THSD7A: variants seen among roughly 807,000 people sequenced by gnomAD.
THSD7A encodes thrombospondin type 1 domain containing 7A.
In THSD7A, 96 loss-of-function variants were observed where a neutral mutation model predicts 231.3. The observed-to-expected ratio is 0.41, with a 90% CI of 0.35 to 0.49. THSD7A has a LOEUF of 0.49. THSD7A is among the 20% of genes least tolerant of loss of function. The pLI is 0.05. For missense variants in THSD7A, 2,290 were observed against 2,070.2 expected, an observed-to-expected ratio of 1.11 and a Z score of -2.06; for synonymous variants, 940 against 743.3, an observed-to-expected ratio of 1.26 and a Z score of -4.30.
At chr7:11,669,503 A>C (rs1242412257) in intron 1 of THSD7A, among the ~76,000 whole-genome samples, 1 of 151,996 alleles carries the variant, frequency 6.6e-6, no homozygotes, top group Non-Finnish European at 1.5e-5. Context: ...GAGTGCATAA[A>C]GTGTGAAGAG....
At chr7:11,696,026 G>C (rs1023339263) in intron 1 of THSD7A, among the ~76,000 whole-genome samples, 3 of 151,426 alleles carry the variant, frequency 2.0e-5, no homozygotes, top group African/African-American at 7.3e-5. Context: ...ATAATATGAG[G>C]AGTTTAGGAA....
intron 1 of THSD7A, among the ~76,000 whole-genome samples, chr7:11,672,625 T>C (rs1192419010): frequency 6.6e-6 from 1 of 152,174 alleles, no homozygotes; most frequent in Non-Finnish European, 1.5e-5. Context: ...TACTTTTAAC[T>C]TTTGCCTAGA....
chr7:11,641,409 A>G (rs1362312034), intron 1 of THSD7A, among the ~76,000 whole-genome samples: 3 of 152,156 alleles, frequency 2.0e-5, no homozygotes, highest in Non-Finnish European at 2.9e-5. Flanking sequence ...CAGCGGGAAT[A>G]AAGAGATTGA....
rs201209912 is a variant in THSD7A at position 11,568,732 on chromosome 7, C to CAGG, written c.1453+21725_1453+21727dup. On this transcript the variant is annotated intron_variant, in intron 4 of 27. Coordinates refer to ENST00000423059, the MANE Select transcript of THSD7A (RefSeq NM_015204.3). The stretch of plus-strand genomic sequence containing the variant: ...GAATATTGGAAATAGCCAGACCAAT[C>CAGG]AGGCAAGGGGAAAAATAAAAGGTAT... Among the ~76,000 whole-genome samples the CAGG allele has an allele frequency of 1.2e-3, 183 of 146,556 alleles. 3 individuals carry two copies. The East Asian group carries it at 0.031, about 25-fold the overall frequency.
intron 4 of THSD7A, among the ~76,000 whole-genome samples, chr7:11,563,951 C>T (rs1410722771): frequency 3.3e-5 from 5 of 152,040 alleles, no homozygotes; most frequent in Admixed American, 2.0e-4. Context: ...AGTGTTTTTT[C>T]TTACACTAGA....
At chr7:11,720,341 A>G (rs1267909430) in intron 1 of THSD7A, among the ~76,000 whole-genome samples, 1 of 151,692 alleles carries the variant, frequency 6.6e-6, no homozygotes, top group Non-Finnish European at 1.5e-5. Context: ...TGTCACACCT[A>G]CTTTCTACAA....
At position 11,474,525 on chromosome 7, in the gene THSD7A, T is replaced by G. The variant is rs1786076268; in HGVS notation, c.2061A>C (p.Arg687=). The G allele has an allele frequency of 1.2e-6, 2 of 1,609,610 alleles. No homozygotes were observed. The highest frequency in any genetic ancestry group is 1.7e-6 in the Non-Finnish European group (2 of 1,176,770). Reference sequence around the variant, plus strand: ...CTGTGCAAGGATGCTCATTACAGCTTCGTACTTCTTGCAAAGCACTGCTAT... The same window carrying G: ...CTGTGCAAGGATGCTCATTACAGCTGCGTACTTCTTGCAAAGCACTGCTAT... ...CPNSSALQEV[R]SCNEHPCTVY... is the part of the protein sequence containing the mutation. Residue 687 remains arginine (R), a synonymous_variant, in exon 8 of 28, where the codon CGA becomes CGC. Transcript: ENST00000423059. The surrounding 1 kb of genome is among the most constrained non-coding windows in gnomAD (Gnocchi z 4.1).
At chr7:11,478,644 T>G (rs1467526960) in intron 7 of THSD7A, among the ~76,000 whole-genome samples, 2 of 152,112 alleles carry the variant, frequency 1.3e-5, no homozygotes, top group Non-Finnish European at 2.9e-5. Context: ...AGAAAAGAAG[T>G]GCAGTATGAG....
chr7:11,669,961 T>C (rs28412348), intron 1 of THSD7A, among the ~76,000 whole-genome samples: 8,892 of 130,394 alleles, frequency 0.068, 854 homozygotes, highest in African/African-American at 0.23. Flanking sequence ...GTTTAAGTAC[T>C]GTTGCATTCA....
rs750133990 is a variant in THSD7A, at chr7:11,377,788, C to T, written c.4802-1131G>A. On this transcript the variant is annotated intron_variant, in intron 26 of 27. Coordinates refer to ENST00000423059, the MANE Select transcript of THSD7A (RefSeq NM_015204.3). The surrounding 1 kb of genome is among the most constrained non-coding windows in gnomAD (Gnocchi z 4.5). ...AGAATATCTAAGTTTTCAGAACATGCACCTTTTAAATATTTTAAAATTTTA... is the reference window on the plus strand; with the variant it reads ...AGAATATCTAAGTTTTCAGAACATGTACCTTTTAAATATTTTAAAATTTTA... 2.0e-5 allele frequency: 3 copies of T among 151,914 alleles called. No individual in the cohort carries two copies. Among genetic ancestry groups the T allele is most frequent in the African/African-American group, 7.3e-5 (3 of 41,370 alleles). 9.4% of individuals were successfully genotyped at this position (151,914 alleles called of 1,614,324 possible). A position where few individuals can be genotyped will look rare whatever the true frequency, so the allele number is the denominator to read the frequency against.
Position 11,446,055 on chromosome 7 carries a change from A to C in THSD7A, c.3064+6T>G. 6.2e-7 allele frequency: 1 copy of C among 1,613,046 alleles called. No homozygotes were observed. The highest frequency in any genetic ancestry group is 8.5e-7 in the Non-Finnish European group (1 of 1,179,314). ...AGCAAATATGTAACAATGAAGATTG[A>C]ATTACCATGGCTGTTACATCTAGAT... On this transcript the variant is annotated splice_donor_region_variant and intron_variant, in intron 13 of 27. Coordinates refer to ENST00000423059, the MANE Select transcript of THSD7A (RefSeq NM_015204.3). This position sits in a 1 kb window ranked among gnomAD's most constrained non-coding sequence, Gnocchi z 4.0.
intron 15 of THSD7A, 44 bp from the exon 16 acceptor site, chr7:11,424,873 G>C: frequency 1.9e-6 from 3 of 1,610,628 alleles, no homozygotes; most frequent in Non-Finnish European, 2.5e-6. Flanking sequence ...AATCTGGTAA[G>C]AGTGAGGAGG....
intron 1 of THSD7A, among the ~76,000 whole-genome samples, chr7:11,681,014 T>C (rs1010969538): frequency 3.9e-5 from 6 of 152,226 alleles, no homozygotes; most frequent in African/African-American, 1.2e-4. Flanking sequence ...TAGAATAATA[T>C]GCAGCCATAA....
chr7:11,455,963 G>A lies in THSD7A; in HGVS notation c.2605+4699C>T, dbSNP rs182693180. 3.3e-5 allele frequency among the ~76,000 whole-genome samples: 5 copies of A among 151,994 alleles called. No homozygotes were observed. In the East Asian group the frequency reaches 9.7e-4, roughly 29 times the overall value. On this transcript the variant is annotated intron_variant, in intron 11 of 27. Coordinates refer to ENST00000423059, the MANE Select transcript of THSD7A (RefSeq NM_015204.3). ...TAAAAATGAAAGTATGTCTATAAAGGCCACTTTATTTTATTGTTAACAGGT... is the reference window on the plus strand; with the variant it reads ...TAAAAATGAAAGTATGTCTATAAAGACCACTTTATTTTATTGTTAACAGGT...
At position 11,541,586 on chromosome 7, in the gene THSD7A, C is replaced by T. The variant is rs1038770069; in HGVS notation, c.1655G>A (p.Gly552Asp). Reference protein sequence around the residue: ...KRRITNEPTGGSGVTGNCPHL... With the variant: ...KRRITNEPTGDSGVTGNCPHL... ...AGGGCAGTTTCCGGTTACCCCAGAG[C>T]CTCCAGTGGGCTCATTGGTAATGCG... The change falls in exon 6 of 28, where the codon GGC becomes GAC. Residue 552 changes from glycine (G) to aspartate (D), a missense_variant. Coordinates refer to ENST00000423059, the MANE Select transcript of THSD7A (RefSeq NM_015204.3). 12 of 1,613,832 alleles carry T rather than the reference C, an allele frequency of 7.4e-6. No individual in the cohort carries two copies. The highest frequency in any genetic ancestry group is 1.7e-5 in the Admixed American group (1 of 59,990).
At chr7:11,828,181 C>T (rs1358311824) in intron 1 of THSD7A, among the ~76,000 whole-genome samples, 2 of 152,172 alleles carry the variant, frequency 1.3e-5, no homozygotes, top group Admixed American at 6.5e-5. Flanking sequence ...AAGTTAAAGT[C>T]CAATATCTTA....
Position 11,832,186 on chromosome 7 carries a change from T to G in THSD7A, c.-240A>C. ...GGCGGGGATGCTGCTGCCGCTGCCA[T>G]TCCTCGCAGAATGGCAGGTCCCGGC... On this transcript the variant is annotated 5_prime_UTR_variant, in exon 1 of 28. It removes an upstream start codon present in the reference 5' UTR. Coordinates refer to ENST00000423059, the MANE Select transcript of THSD7A (RefSeq NM_015204.3). 7.1e-5 allele frequency: 20 copies of G among 282,870 alleles called. No homozygotes were observed. The highest frequency in any genetic ancestry group is 1.4e-4 in the South Asian group (1 of 7,016). 17.5% of individuals were successfully genotyped at this position (282,870 alleles called of 1,614,324 possible).
At chr7:11,618,320 C>A (rs559176399) in intron 2 of THSD7A, among the ~76,000 whole-genome samples, 1 of 152,198 alleles carries the variant, frequency 6.6e-6, no homozygotes, top group Non-Finnish European at 1.5e-5. Context: ...ATTGTATACA[C>A]ACATATTGTA....
intron 2 of THSD7A, among the ~76,000 whole-genome samples, chr7:11,599,159 A>G (rs891345145): frequency 6.6e-6 from 1 of 152,220 alleles, no homozygotes; most frequent in Non-Finnish European, 1.5e-5. Context: ...CATGGAATAC[A>G]GGAGATCAAT....
Sources: allele counts gnomAD v4.1 joint callset (sites outside exome capture counted in the v4.1 genomes callset), GRCh38; gene constraint gnomAD v4.1.1; non-coding constraint Gnocchi (gnomAD v3.1); transcripts MANE v1.5; gene names NCBI Gene and HGNC (gene_info 2026-07-23, HGNC 2026-07-21).